PLXNA4: variants seen among roughly 807,000 people sequenced by gnomAD.
PLXNA4 encodes plexin A4.
In PLXNA4, 44 loss-of-function variants were observed where a neutral mutation model predicts 191.8. The observed-to-expected ratio is 0.23, with a 90% CI of 0.18 to 0.29. The LOEUF is 0.29. Ranked by LOEUF, PLXNA4 falls within the 10% of genes least tolerant of loss-of-function variation. PLXNA4 has a pLI of 1.00. For missense variants in PLXNA4, 1,800 were observed against 2,488.8 expected (o/e 0.72, Z 5.89); for synonymous variants, 1,082 against 1,009.5 (o/e 1.07, Z -1.36).
intron 4 of PLXNA4, among the ~76,000 whole-genome samples, chr7:132,244,447 C>G (rs768977794): frequency 5.3e-5 from 8 of 152,218 alleles, no homozygotes; most frequent in Non-Finnish European, 1.2e-4. Context: ...TGCCTGTAGT[C>G]TTTCCTTACG....
At chr7:132,574,259 A>T (rs1023901259) in intron 1 of PLXNA4, among the ~76,000 whole-genome samples, 3 of 152,222 alleles carry the variant, frequency 2.0e-5, no homozygotes, top group Non-Finnish European at 4.4e-5. Flanking sequence ...TACAGGGAAG[A>T]CACAGACATT....
chr7:132,127,942 T>G lies in PLXNA4; in HGVS notation c.*2537A>C, dbSNP rs1794818198. 1 of 150,646 alleles carries G rather than the reference T, an allele frequency of 6.6e-6. No individual in the cohort carries two copies. The highest frequency in any genetic ancestry group is 1.5e-5 in the Non-Finnish European group (1 of 67,810). The allele number at this position is 150,646 out of a possible 1,614,324, so 9.3% of individuals were successfully genotyped here. A position where few individuals can be genotyped will look rare whatever the true frequency, so the allele number is the denominator to read the frequency against. On this transcript the variant is annotated 3_prime_UTR_variant, in exon 32 of 32. Coordinates refer to ENST00000321063, the MANE Select transcript of PLXNA4 (RefSeq NM_020911.2). ...AAAGCTTCAGCAGAACCGTGATAAG[T>G]CTTTTTTCTTTTTTTTTTCTGCTTG...
At chr7:132,464,486 A>T (rs1289077826) in intron 3 of PLXNA4, among the ~76,000 whole-genome samples, 1 of 152,152 alleles carries the variant, frequency 6.6e-6, no homozygotes, top group African/African-American at 2.4e-5. Flanking sequence ...CTGATTCCTT[A>T]TCTGTAAAGT....
At chr7:132,589,375 T>C (rs1802564487) in intron 2 of PLXNA4, among the ~76,000 whole-genome samples, 1 of 152,192 alleles carries the variant, frequency 6.6e-6, no homozygotes, top group Non-Finnish European at 1.5e-5. Flanking sequence ...TCTGCTGTTA[T>C]GTTTCAAAAA....
At position 132,168,447 on chromosome 7, in the gene PLXNA4, G is replaced by A. The variant is rs751985531; in HGVS notation, c.4143C>T (p.Arg1381=). The A allele has an allele frequency of 2.0e-5, 33 of 1,613,954 alleles. No homozygotes were observed. The East Asian group carries it at 2.7e-4, about 13-fold the overall frequency. Residue 1381 remains arginine (R), a synonymous_variant, in exon 22 of 32, where the codon CGC becomes CGT. Coordinates refer to ENST00000321063, the MANE Select transcript of PLXNA4 (RefSeq NM_020911.2). ...TGAGTGAGGCCACGTTGCCACGGTC[G>A]CGCATGGAGAAGCTACGCTGGGACT... ...TLESQRSFSM[R]DRGNVASLIM...
Position 132,129,300 on chromosome 7 carries a change from C to A in PLXNA4, c.*1179G>T, listed in dbSNP as rs1296504909. 6.6e-6 allele frequency: 1 copy of A among 152,234 alleles called. No individual in the cohort carries two copies. Among genetic ancestry groups the A allele is most frequent in the Non-Finnish European group, 1.5e-5 (1 of 68,064 alleles). 9.4% of individuals were successfully genotyped at this position (152,234 alleles called of 1,614,324 possible). On this transcript the variant is annotated 3_prime_UTR_variant, in exon 32 of 32. Transcript: ENST00000321063. The stretch of plus-strand genomic sequence containing the variant: ...GAGACAGCTGAGATGTTGATGAAAT[C>A]ATTCCCAAAGAGGTCTGGACAGCCC...
chr7:132,538,812 G>A (rs1003032648), intron 1 of PLXNA4, among the ~76,000 whole-genome samples: 3 of 152,126 alleles, frequency 2.0e-5, no homozygotes, highest in Admixed American at 2.0e-4. Context: ...CCAACCAGAG[G>A]CAGACCTTGT....
chr7:132,501,381 T>C (rs1315318959), intron 2 of PLXNA4, among the ~76,000 whole-genome samples: 5 of 152,144 alleles, frequency 3.3e-5, no homozygotes, highest in Admixed American at 1.3e-4. Flanking sequence ...TGTCTCAGTA[T>C]TGTGAGAGCA....
At chr7:132,385,099 G>T in intron 3 of PLXNA4, 1 of 1,562,884 alleles carries the variant, frequency 6.4e-7, no homozygotes, top group Non-Finnish European at 8.7e-7. Flanking sequence ...TGGGGTCACA[G>T]GGAGGTAGAT....
intron 3 of PLXNA4, among the ~76,000 whole-genome samples, chr7:132,306,505 C>CA (rs1169657952): frequency 1.3e-5 from 2 of 152,150 alleles, no homozygotes; most frequent in Non-Finnish European, 2.9e-5. Context: ...CAGGAGGGAG[C>CA]AAACTGTGAG....
intron 12 of PLXNA4, among the ~76,000 whole-genome samples, chr7:132,200,925 T>C (rs997128074): frequency 5.3e-5 from 8 of 152,200 alleles, no homozygotes; most frequent in African/African-American, 1.9e-4. Context: ...AACCCTGGCC[T>C]TGGGAGACAT....
At chr7:132,433,567 A>T (rs1795356254) in intron 3 of PLXNA4, among the ~76,000 whole-genome samples, 1 of 152,216 alleles carries the variant, frequency 6.6e-6, no homozygotes, top group Non-Finnish European at 1.5e-5. Context: ...TGAAAGGAAG[A>T]GAGTAGCTGG....
chr7:132,362,198 G>A (rs1803972153), intron 3 of PLXNA4, among the ~76,000 whole-genome samples: 1 of 152,204 alleles, frequency 6.6e-6, no homozygotes, highest in African/African-American at 2.4e-5. Flanking sequence ...GCAAGATGGA[G>A]AGGCCTCCAG....
At chr7:132,145,310 A>C in intron 28 of PLXNA4, 22 bp from the exon 29 acceptor site, 1 of 1,613,186 alleles carries the variant, frequency 6.2e-7, no homozygotes, top group Non-Finnish European at 8.5e-7. Flanking sequence ...GGATACGTCC[A>C]GACACAGCTC....
intron 14 of PLXNA4, among the ~76,000 whole-genome samples, chr7:132,189,423 T>A (rs910469607): frequency 5.9e-5 from 9 of 152,210 alleles, no homozygotes; most frequent in African/African-American, 1.9e-4. Context: ...AAGCATTCCC[T>A]GCATGGAGAC....
intron 3 of PLXNA4, among the ~76,000 whole-genome samples, chr7:132,309,034 T>C (rs533859505): frequency 5.9e-5 from 9 of 152,010 alleles, no homozygotes; most frequent in African/African-American, 2.2e-4. Context: ...CTGAAGACAA[T>C]AGAGGGCAGG....
chr7:132,325,630 C>A (rs1358805133), intron 3 of PLXNA4, among the ~76,000 whole-genome samples: 1 of 152,142 alleles, frequency 6.6e-6, no homozygotes, highest in African/African-American at 2.4e-5. Context: ...GATGGCTGGC[C>A]ACTACCAGCA....
intron 3 of PLXNA4, among the ~76,000 whole-genome samples, chr7:132,314,707 T>C (rs1443804815): frequency 6.6e-6 from 1 of 152,258 alleles, no homozygotes; most frequent in Non-Finnish European, 1.5e-5. Flanking sequence ...AGAACTGTCC[T>C]GGGTCTGCAC....
chr7:132,406,923 G>A lies in PLXNA4; in HGVS notation c.1371+82369C>T, dbSNP rs150740984. On this transcript the variant is annotated intron_variant, in intron 3 of 31. Transcript: ENST00000321063. ...AATAGAGTAGGTGTTCATTTTGAGG[G>A]GAAAACTCAACTTTCTAGGCCTCAT... 9.1e-3 allele frequency among the ~76,000 whole-genome samples: 1,384 copies of A among 152,102 alleles called. 20 individuals are homozygous for A. The highest frequency in any genetic ancestry group is 0.031 in the African/African-American group (1,297 of 41,484).
Sources: allele counts gnomAD v4.1 joint callset (sites outside exome capture counted in the v4.1 genomes callset), GRCh38; gene constraint gnomAD v4.1.1; transcripts MANE v1.5; gene names NCBI Gene and HGNC (gene_info 2026-07-23, HGNC 2026-07-21).